AP3D1: variants seen among roughly 807,000 people sequenced by gnomAD.
The protein encoded by AP3D1 is AP-3 complex subunit delta-1.
AP3D1 carries 51 observed loss-of-function variants against 147.6 expected under a neutral mutation model. That is an observed-to-expected ratio of 0.35 (90% confidence interval 0.28 to 0.44). The LOEUF (loss-of-function observed/expected upper bound fraction) is 0.44. Among genes scored for constraint, AP3D1 ranks in the 20% least tolerant of loss-of-function variants. AP3D1 has a pLI of 1.00. For missense variants in AP3D1, 1,421 were observed against 1,624.2 expected, an observed-to-expected ratio of 0.87 and a Z score of 2.15; for synonymous variants, 760 against 663.0, an observed-to-expected ratio of 1.15 and a Z score of -2.25.
chr19:2,124,148 C>T (rs557609128), intron 9 of AP3D1, among the ~76,000 whole-genome samples: 27 of 152,360 alleles, frequency 1.8e-4, no homozygotes, highest in Middle Eastern at 3.4e-3. Flanking sequence ...CTGGTTCACT[C>T]GCAACCCCTG....
intron 29 of AP3D1, 72 bp downstream of exon 29, chr19:2,109,801 G>A (rs2018215026): frequency 2.8e-6 from 4 of 1,422,044 alleles, no homozygotes; most frequent in East Asian, 2.3e-5. Flanking sequence ...AGTCCCCGGG[G>A]CACAGGTGTC....
At chr19:2,131,678 C>CTTCCCAGGGAGGAAA (rs2018951438) in intron 5 of AP3D1, among the ~76,000 whole-genome samples, 1 of 74,358 alleles carries the variant, frequency 1.3e-5, no homozygotes, top group Non-Finnish European at 3.1e-5. Context: ...GCGGGGACTG[C>CTTCCCAGGGAGGAAA]GCCCATCGGC....
intron 6 of AP3D1, 114 bp from the exon 7 acceptor site, chr19:2,129,571 T>A (rs960621395): frequency 5.3e-6 from 7 of 1,320,046 alleles, no homozygotes; most frequent in Non-Finnish European, 7.1e-6. Context: ...CCACTGAACA[T>A]GGCCCTGGCT....
intron 21 of AP3D1, 119 bp downstream of exon 21, chr19:2,114,629 C>CCCCCCCCCCCCCCCCCAG: frequency 1.6e-6 from 1 of 613,994 alleles, no homozygotes; most frequent in East Asian, 3.2e-5. Context: ...AAGGCCCGCC[C>CCCCCCCCCCCCCCCCCAG]GCACCCCACC....
chr19:2,111,962 C>A, intron 24 of AP3D1, 134 bp from the exon 25 acceptor site: 1 of 1,413,118 alleles, frequency 7.1e-7, no homozygotes, highest in East Asian at 2.3e-5. Flanking sequence ...CAGGACCAGC[C>A]ACGCCTCAGG....
chr19:2,132,677 GC>G, intron 4 of AP3D1, 99 bp from the exon 5 acceptor site: 3 of 974,450 alleles, frequency 3.1e-6, no homozygotes, highest in Non-Finnish European at 4.8e-6. Flanking sequence ...CTCCCAGGAT[GC>G]CCCAGGACTC....
rs560435733 is a variant in AP3D1, at chr19:2,144,082, G to A, written c.97-5368C>T. ...GCCTGGGCAACAAGAGTGAAACTCC[G>A]TCTCAAAAAAAAAAAAAAAGAATTC... On this transcript the variant is annotated intron_variant, in intron 1 of 31. Coordinates refer to ENST00000643116, the MANE Select transcript of AP3D1 (RefSeq NM_001261826.3). Among the ~76,000 whole-genome samples the A allele has an allele frequency of 1.2e-4, 16 of 131,080 alleles. No individual in the cohort carries two copies. The East Asian group carries it at 1.8e-3, about 14-fold the overall frequency. 86.0% of individuals were successfully genotyped at this position (131,080 alleles called of 152,430 possible).
chr19:2,148,146 C>CAAAAAAAA (rs5826756), intron 1 of AP3D1, among the ~76,000 whole-genome samples: 4 of 98,122 alleles, frequency 4.1e-5, no homozygotes, highest in African/African-American at 1.7e-4. Flanking sequence ...GACTCCGTCT[C>CAAAAAAAA]AAAAAAAAAA....
rs538713990 is a variant in AP3D1 at position 2,129,175 on chromosome 19, G to C, written c.733-12C>G. 1 of 1,606,614 alleles carries C rather than the reference G, an allele frequency of 6.2e-7. No individual in the cohort carries two copies. Among genetic ancestry groups the C allele is most frequent in the East Asian group, 2.2e-5 (1 of 44,590 alleles). ...GTAAGAGCACCGAACTGTGGGGACA[G>C]CAGGGCCTCGGTCACCCGCAGGGAA... On this transcript the variant is annotated splice_polypyrimidine_tract_variant and intron_variant, in intron 7 of 31. Transcript: ENST00000643116.
intron 14 of AP3D1, among the ~76,000 whole-genome samples, chr19:2,119,469 G>C (rs570394869): frequency 6.6e-6 from 1 of 151,438 alleles, no homozygotes; most frequent in Admixed American, 6.6e-5. Flanking sequence ...CGAGGCGGGC[G>C]GATCATGAGG....
rs2145037955 is a variant in AP3D1, at chr19:2,114,787, G to A, written c.2384C>T (p.Pro795Leu). The A allele has an allele frequency of 1.2e-6, 2 of 1,614,078 alleles. No homozygotes were observed. Reference sequence around the variant, plus strand: ...ATCCAGAGCCCTGTAGGGGTCGTTGGGGTCTTTGTCATCCTCGTCGCTGGG... The same window carrying A: ...ATCCAGAGCCCTGTAGGGGTCGTTGAGGTCTTTGTCATCCTCGTCGCTGGG... The part of the protein sequence containing the change: ...ALPSDEDDKD[P>L]NDPYRALDID... Residue 795 changes from proline to leucine, a missense_variant, in exon 21 of 32, where the codon CCC becomes CTC. This residue lies in a region of AP3D1 where 791 missense variants were observed against 761.4 expected (regional missense o/e 1.04). Transcript: ENST00000643116.
intron 6 of AP3D1, among the ~76,000 whole-genome samples, chr19:2,129,890 C>G (rs1271597084): frequency 6.6e-6 from 1 of 152,198 alleles, no homozygotes; most frequent in Admixed American, 6.5e-5. Flanking sequence ...GGTCTCCCCT[C>G]CTGCACACAG....
At chr19:2,132,642 C>T in intron 4 of AP3D1, 64 bp from the exon 5 acceptor site, 1 of 1,437,240 alleles carries the variant, frequency 7.0e-7, no homozygotes, top group Non-Finnish European at 9.7e-7. Context: ...ACGCCTGGGT[C>T]ACCAGGAGCA....
In AP3D1 at chr19:2,137,076, C is replaced by A; in HGVS notation, c.289G>T (p.Ala97Ser). The A allele has an allele frequency of 6.3e-7, 1 of 1,590,044 alleles. No homozygotes were observed. The highest frequency in any genetic ancestry group is 2.3e-5 in the East Asian group (1 of 43,290). The change falls in exon 4 of 32, where the codon GCT becomes TCT. Residue 97 changes from alanine (A) to serine (S), a missense_variant. Ala to Ser is a moderately conservative substitution (Grantham distance 99, BLOSUM62 1). Coordinates refer to ENST00000643116, the MANE Select transcript of AP3D1 (RefSeq NM_001261826.3). Reference protein sequence around the residue: ...KFTFKRIGYLAASQSFHEGTD... With the variant: ...KFTFKRIGYLSASQSFHEGTD... ...CCTTCGTGAAAGCTCTGGGAAGCAG[C>A]GAGGTAGCCAATTCGCTGGGAGAGA...
chr19:2,121,058 C>T lies in AP3D1; in HGVS notation c.1285G>A (p.Glu429Lys). 1 of 1,613,438 alleles carries T rather than the reference C, an allele frequency of 6.2e-7. No homozygotes were observed. Among genetic ancestry groups the T allele is most frequent in the Non-Finnish European group, 8.5e-7 (1 of 1,179,960 alleles). Residue 429 changes from glutamate (E) to lysine (K), a missense_variant, in exon 14 of 32, where the codon GAG becomes AAG. Coordinates refer to ENST00000643116, the MANE Select transcript of AP3D1 (RefSeq NM_001261826.3). ...ISILVELTRLEGTRHGHLIAA... is the reference protein window; with the variant it reads ...ISILVELTRLKGTRHGHLIAA... ...ATGAGGTGGCCGTGCCGTGTGCCCT[C>T]CAGCCGGGTCAGCTCCACCAGGATG...
In AP3D1 at chr19:2,114,374, G is replaced by C. The variant is rs905295906; in HGVS notation, c.2424-72C>G. 2.4e-5 allele frequency: 31 copies of C among 1,309,764 alleles called. No homozygotes were observed. In the Admixed American group the frequency reaches 5.5e-4, roughly 23 times the overall value. The allele number at this position is 1,309,764 out of a possible 1,614,324, so 81.1% of individuals were successfully genotyped here. A position where few individuals can be genotyped will look rare whatever the true frequency, so the allele number is the denominator to read the frequency against. Reference sequence around the variant, plus strand: ...CCCAGGACCACTCAGTACATGCCGTGTCCAAGCATGTGGCAGTGCGGGACC... The same window carrying C: ...CCCAGGACCACTCAGTACATGCCGTCTCCAAGCATGTGGCAGTGCGGGACC... On this transcript the variant is annotated intron_variant, in intron 21 of 31. Coordinates refer to ENST00000643116, the MANE Select transcript of AP3D1 (RefSeq NM_001261826.3).
chr19:2,111,416 C>A, intron 25 of AP3D1, 84 bp from the exon 26 acceptor site: 1 of 1,517,148 alleles, frequency 6.6e-7, no homozygotes, highest in South Asian at 1.2e-5. Context: ...TACCCCAGGT[C>A]GAATGCCACG....
intron 12 of AP3D1, 119 bp downstream of exon 12, chr19:2,121,615 A>C (rs2018613853): frequency 7.3e-6 from 10 of 1,376,878 alleles, no homozygotes; most frequent in Non-Finnish European, 9.6e-6. Flanking sequence ...GCCCCACCAC[A>C]CTAACTGATG....
At chr19:2,140,545 T>G (rs1251556283) in intron 1 of AP3D1, among the ~76,000 whole-genome samples, 1 of 151,238 alleles carries the variant, frequency 6.6e-6, no homozygotes, top group Non-Finnish European at 1.5e-5. Context: ...GTGAGATCAC[T>G]GCTCACTGCA....
Sources: gnomAD v4.1 joint callset for allele counts (sites outside exome capture counted in the v4.1 genomes callset) on GRCh38, gnomAD v4.1.1 for gene constraint, gnomAD v4.1.1 regional missense constraint, MANE v1.5 for transcripts, NCBI Gene and HGNC (gene_info 2026-07-23, HGNC 2026-07-21) for gene names.